CAP2: variants seen among roughly 807,000 people sequenced by gnomAD.
CAP2 encodes cyclase associated actin cytoskeleton regulatory protein 2.
CAP2 carries 24 observed loss-of-function variants against 57.7 expected under a neutral mutation model. The observed-to-expected ratio is 0.42, with a 90% CI of 0.30 to 0.58. CAP2 has a LOEUF of 0.58. Among genes scored for constraint, CAP2 ranks in the 20% least tolerant of loss-of-function variants. The probability of loss-of-function intolerance (pLI) is 0.22; values close to 1 mark genes in which losing one functional copy is unlikely to be tolerated. For missense variants in CAP2, 501 were observed against 590.3 expected, an observed-to-expected ratio of 0.85 and a Z score of 1.57; for synonymous variants, 194 against 207.2, an observed-to-expected ratio of 0.94 and a Z score of 0.55.
intron 4 of CAP2, among the ~76,000 whole-genome samples, chr6:17,503,096 T>C (rs1761870779): frequency 6.6e-6 from 1 of 152,184 alleles, no homozygotes; most frequent in Admixed American, 6.5e-5. Context: ...TTTGTTCTAT[T>C]GTTGAGAATT....
chr6:17,409,340 C>T (rs1372469180), intron 1 of CAP2, among the ~76,000 whole-genome samples: 1 of 151,442 alleles, frequency 6.6e-6, no homozygotes, highest in East Asian at 2.0e-4. Context: ...CCACTGCACT[C>T]CAGCCTGGGT....
rs560832831 is a variant in CAP2 at position 17,512,540 on chromosome 6, C to T, written c.531-1309C>T. Among the ~76,000 whole-genome samples, 3 of 152,280 alleles carry T rather than the reference C, an allele frequency of 2.0e-5. No individual in the cohort carries two copies. The South Asian group carries it at 6.2e-4, about 32-fold the overall frequency. ...TTTATATTGAAGTAATGTTCATGCTCTAATAATAGCTATGTGTATACTGCT... is the reference window on the plus strand; with the variant it reads ...TTTATATTGAAGTAATGTTCATGCTTTAATAATAGCTATGTGTATACTGCT... On this transcript the variant is annotated intron_variant, in intron 6 of 12. Coordinates refer to ENST00000229922, the MANE Select transcript of CAP2 (RefSeq NM_006366.3).
At chr6:17,429,195 A>G (rs1373025885) in intron 3 of CAP2, among the ~76,000 whole-genome samples, 1 of 152,198 alleles carries the variant, frequency 6.6e-6, no homozygotes, top group East Asian at 1.9e-4. Context: ...CTGAGGCGTG[A>G]TAACTCCTGA....
At chr6:17,504,531 C>T (rs1761923365) in intron 4 of CAP2, among the ~76,000 whole-genome samples, 1 of 152,190 alleles carries the variant, frequency 6.6e-6, no homozygotes, top group Non-Finnish European at 1.5e-5. Flanking sequence ...GTCTCAGGGC[C>T]TCCCCGAAGA....
intron 11 of CAP2, among the ~76,000 whole-genome samples, chr6:17,545,611 A>G (rs1763023831): frequency 6.6e-6 from 1 of 152,146 alleles, no homozygotes; most frequent in African/African-American, 2.4e-5. Context: ...GGTTTGTTAC[A>G]TATGTATACA....
chr6:17,486,498 C>T lies in CAP2; in HGVS notation c.301-20671C>T, dbSNP rs954067344. 2.6e-5 allele frequency among the ~76,000 whole-genome samples: 4 copies of T among 151,030 alleles called. 1 individual carries two copies. In the South Asian group the frequency reaches 6.3e-4, roughly 24 times the overall value. On this transcript the variant is annotated intron_variant, in intron 4 of 12. Coordinates refer to ENST00000229922, the MANE Select transcript of CAP2 (RefSeq NM_006366.3). Reference sequence around the variant, plus strand: ...GCGTGCACCTGTAGTCCCAGCTACTCGGGAGGCTGAGGTGGGAGGATCACT... The same window carrying T: ...GCGTGCACCTGTAGTCCCAGCTACTTGGGAGGCTGAGGTGGGAGGATCACT...
chr6:17,427,110 G>A (rs1369528514), intron 3 of CAP2, among the ~76,000 whole-genome samples: 2 of 152,212 alleles, frequency 1.3e-5, no homozygotes, highest in Non-Finnish European at 2.9e-5. Context: ...GTGACACTGA[G>A]CAGAGATCTG....
At chr6:17,488,309 C>G (rs1463946123) in intron 4 of CAP2, among the ~76,000 whole-genome samples, 1 of 152,120 alleles carries the variant, frequency 6.6e-6, no homozygotes, top group African/African-American at 2.4e-5. Context: ...CTCAGCCTTC[C>G]CCTTCAGATT....
intron 7 of CAP2, chr6:17,531,104 G>A (rs762891540): frequency 1.2e-5 from 9 of 761,698 alleles, no homozygotes; most frequent in Admixed American, 5.1e-5. Flanking sequence ...CATATTTACC[G>A]AGAGATTGAG....
At chr6:17,506,637 CAA>C (rs11299768) in intron 4 of CAP2, among the ~76,000 whole-genome samples, 56 of 145,380 alleles carry the variant, frequency 3.9e-4, no homozygotes, top group Non-Finnish European at 4.2e-4. Context: ...GACTCCATCT[CAA>C]AAAAAAAAAA....
At chr6:17,491,425 T>C (rs908070416) in intron 4 of CAP2, among the ~76,000 whole-genome samples, 7 of 152,218 alleles carry the variant, frequency 4.6e-5, no homozygotes, top group African/African-American at 1.4e-4. Flanking sequence ...TGATATGCTT[T>C]TTCTTCAGTA....
At chr6:17,450,580 G>A (rs889884310) in intron 3 of CAP2, among the ~76,000 whole-genome samples, 1 of 152,138 alleles carries the variant, frequency 6.6e-6, no homozygotes, top group African/African-American at 2.4e-5. Context: ...ATACTTTTGT[G>A]AGCTGGAGGT....
chr6:17,513,650 C>T lies in CAP2; in HGVS notation c.531-199C>T, dbSNP rs369716202. The stretch of plus-strand genomic sequence containing the variant: ...GAGCTCAGGGCATCCGGCCACCTGC[C>T]GCCTCCCCTCAGGAGAGTACTGGGC... On this transcript the variant is annotated intron_variant, in intron 6 of 12. Coordinates refer to ENST00000229922, the MANE Select transcript of CAP2 (RefSeq NM_006366.3). The surrounding 1 kb of genome is among the most constrained non-coding windows in gnomAD (Gnocchi z 4.3). 6.6e-6 allele frequency among the ~76,000 whole-genome samples: 1 copy of T among 152,222 alleles called. No individual in the cohort carries two copies. Among genetic ancestry groups the T allele is most frequent in the East Asian group, 1.9e-4 (1 of 5,182 alleles).
chr6:17,529,626 G>A (rs1324013957), intron 7 of CAP2, among the ~76,000 whole-genome samples: 1 of 128,708 alleles, frequency 7.8e-6, no homozygotes, highest in South Asian at 2.4e-4. Context: ...GGGCAACAGA[G>A]CAAGACTCCG....
intron 7 of CAP2, among the ~76,000 whole-genome samples, chr6:17,529,651 A>AAAAAAAAAAATAT (rs10656588): frequency 1.6e-3 from 212 of 134,478 alleles, no homozygotes; most frequent in African/African-American, 5.3e-3. Context: ...AAAAAAAAAA[A>AAAAAAAAAAATAT]ATATATATAT....
At chr6:17,507,893 G>A (rs566342911) in intron 6 of CAP2, among the ~76,000 whole-genome samples, 167 bp downstream of exon 6, 136 of 152,270 alleles carry the variant, frequency 8.9e-4, no homozygotes, top group African/African-American at 3.0e-3. Flanking sequence ...AGTGGAAAGT[G>A]GAATCAATTA....
intron 4 of CAP2, among the ~76,000 whole-genome samples, chr6:17,474,968 G>A (rs1761112731): frequency 6.6e-6 from 1 of 152,014 alleles, no homozygotes; most frequent in Non-Finnish European, 1.5e-5. Context: ...AGGCCGAGGC[G>A]GGCGGATCAC....
At chr6:17,529,651 A>AAAAAAAAAAAAAT (rs10656588) in intron 7 of CAP2, among the ~76,000 whole-genome samples, 30 of 134,526 alleles carry the variant, frequency 2.2e-4, no homozygotes, top group African/African-American at 5.0e-4. Context: ...AAAAAAAAAA[A>AAAAAAAAAAAAAT]ATATATATAT....
chr6:17,415,458 C>T (rs1003802565), intron 1 of CAP2, among the ~76,000 whole-genome samples: 4 of 152,236 alleles, frequency 2.6e-5, no homozygotes, highest in Admixed American at 6.5e-5. Context: ...AAAAACTAAT[C>T]TAGCATCTTC....
Sources: gnomAD v4.1 joint callset for allele counts (sites outside exome capture counted in the v4.1 genomes callset) on GRCh38, gnomAD v4.1.1 for gene constraint, Gnocchi (gnomAD v3.1) non-coding constraint, MANE v1.5 for transcripts, NCBI Gene and HGNC (gene_info 2026-07-23, HGNC 2026-07-21) for gene names.